AMBRA1: variants seen among roughly 807,000 people sequenced by gnomAD.
AMBRA1 encodes the protein activating molecule in BECN1-regulated autophagy protein 1.
AMBRA1 carries 47 observed loss-of-function variants against 125.4 expected under a neutral mutation model. That is an observed-to-expected ratio of 0.37 (90% CI 0.30 to 0.48). The LOEUF is 0.48. Among genes scored for constraint, AMBRA1 ranks in the 20% least tolerant of loss-of-function variants. AMBRA1 has a pLI of 0.99. For synonymous variants in AMBRA1, 626 were observed against 655.5 expected, an observed-to-expected ratio of 0.95 and a Z score of 0.69; for missense variants, 1,331 against 1,693.4, an observed-to-expected ratio of 0.79 and a Z score of 3.76.
intron 11 of AMBRA1, among the ~76,000 whole-genome samples, chr11:46,460,690 A>G (rs992449207): frequency 5.9e-5 from 9 of 152,222 alleles, no homozygotes; most frequent in Non-Finnish European, 1.2e-4. Context: ...ATAAAGTACA[A>G]CCATATAAAC....
chr11:46,539,939 C>A (rs960586063), intron 7 of AMBRA1, among the ~76,000 whole-genome samples: 1 of 152,086 alleles, frequency 6.6e-6, no homozygotes, highest in African/African-American at 2.4e-5. Context: ...TCAAGCGATT[C>A]TCCTGCCTCA....
chr11:46,483,335 C>A (rs1386295430), intron 11 of AMBRA1, among the ~76,000 whole-genome samples: 2 of 152,226 alleles, frequency 1.3e-5, no homozygotes, highest in African/African-American at 2.4e-5. Flanking sequence ...GCAGGAGTTT[C>A]TTTCCCCATC....
At chr11:46,524,087 C>T (rs1951869815) in intron 7 of AMBRA1, among the ~76,000 whole-genome samples, 1 of 152,158 alleles carries the variant, frequency 6.6e-6, no homozygotes, top group Non-Finnish European at 1.5e-5. Context: ...AGGCTGGTCT[C>T]GAACTCCTGA....
At chr11:46,523,347 C>G (rs192230777) in intron 7 of AMBRA1, among the ~76,000 whole-genome samples, 5 of 152,292 alleles carry the variant, frequency 3.3e-5, no homozygotes. Flanking sequence ...AATTTCTCCA[C>G]CATTTCCCTC....
At chr11:46,453,434 T>C (rs974417233) in intron 11 of AMBRA1, among the ~76,000 whole-genome samples, 2 of 152,174 alleles carry the variant, frequency 1.3e-5, no homozygotes, top group Non-Finnish European at 2.9e-5. Flanking sequence ...CCTGGCTTCA[T>C]TCCTTTTTAT....
chr11:46,456,794 G>A (rs1447342369), intron 11 of AMBRA1, among the ~76,000 whole-genome samples: 1 of 152,154 alleles, frequency 6.6e-6, no homozygotes, highest in East Asian at 1.9e-4. Context: ...TGTGCTGAAC[G>A]TGGGTTTGAC....
At chr11:46,491,577 C>T (rs567998775) in intron 11 of AMBRA1, among the ~76,000 whole-genome samples, 11 of 152,176 alleles carry the variant, frequency 7.2e-5, no homozygotes, top group East Asian at 1.9e-4. Context: ...AAAATATCAA[C>T]GAATGATAAA....
At position 46,542,576 on chromosome 11, in the gene AMBRA1, A is replaced by C; in HGVS notation, c.1441T>G (p.Ser481Ala). ...TGGCTGGAGCCATTCCCTCCATCTG[A>C]CTCAGTTGCCAACCCTGATGCCGGA... ...GFPASGLATESDGGNGSSQNN... is the reference protein window; with the variant it reads ...GFPASGLATEADGGNGSSQNN... Residue 481 changes from serine (S) to alanine (A), a missense_variant, in exon 7 of 18, where the codon TCA becomes GCA. This residue lies in a region of AMBRA1 where 689 missense variants were observed against 776.5 expected (regional missense o/e 0.89). Transcript: ENST00000683756. The surrounding 1 kb of genome is among the most constrained non-coding windows in gnomAD (Gnocchi z 5.9). 2 of 1,613,322 alleles carry C rather than the reference A, an allele frequency of 1.2e-6. No homozygotes were observed. Among genetic ancestry groups the C allele is most frequent in the Non-Finnish European group, 1.7e-6 (2 of 1,179,972 alleles).
At chr11:46,420,501 C>T (rs1946799115) in intron 14 of AMBRA1, among the ~76,000 whole-genome samples, 1 of 152,186 alleles carries the variant, frequency 6.6e-6, no homozygotes, top group Admixed American at 6.5e-5. Context: ...AGGTGTGGCA[C>T]CTTTATTCTT....
intron 9 of AMBRA1, among the ~76,000 whole-genome samples, chr11:46,502,893 T>C (rs1950892613): frequency 1.3e-5 from 2 of 151,848 alleles, no homozygotes; most frequent in South Asian, 4.2e-4. Context: ...ACCCCATCTC[T>C]ACCTAAAATA....
intron 14 of AMBRA1, among the ~76,000 whole-genome samples, chr11:46,432,895 CA>C (rs1947521688): frequency 6.6e-6 from 1 of 152,130 alleles, no homozygotes; most frequent in African/African-American, 2.4e-5. Context: ...TGGCTGAGGC[CA>C]AAAGGCCACG....
chr11:46,569,440 A>AAAAAATATAT (rs1477022124), intron 1 of AMBRA1, among the ~76,000 whole-genome samples: 1 of 131,386 alleles, frequency 7.6e-6, no homozygotes, highest in African/African-American at 2.9e-5. Flanking sequence ...AAAAAAAAAA[A>AAAAAATATAT]ATATATATAT....
At chr11:46,402,353 G>A (rs76641616) in intron 17 of AMBRA1, among the ~76,000 whole-genome samples, 2,609 of 152,248 alleles carry the variant, frequency 0.017, 28 homozygotes, top group Non-Finnish European at 0.026. Flanking sequence ...CATTGTGGGA[G>A]AAGCATTTAT....
chr11:46,524,515 G>A (rs1272741059), intron 7 of AMBRA1, among the ~76,000 whole-genome samples: 1 of 152,214 alleles, frequency 6.6e-6, no homozygotes, highest in African/African-American at 2.4e-5. Flanking sequence ...TAGTGTTTGA[G>A]CCTTAGAATC....
chr11:46,466,085 TCAAATAGCA>T (rs1225903415), intron 11 of AMBRA1, among the ~76,000 whole-genome samples: 1 of 152,192 alleles, frequency 6.6e-6, no homozygotes, highest in Non-Finnish European at 1.5e-5. Flanking sequence ...CAGGTATTTA[TCAAATAGCA>T]CTGTGGAAGA....
intron 11 of AMBRA1, among the ~76,000 whole-genome samples, chr11:46,476,976 G>A (rs1473969993): frequency 6.6e-6 from 1 of 152,044 alleles, no homozygotes; most frequent in East Asian, 1.9e-4. Context: ...GGGCATGGTG[G>A]CGCACGCCTG....
rs34321655 is a variant in AMBRA1, at chr11:46,425,310, T to TTGTGTGTGTGTGTG, written c.2977-7272_2977-7259dup. ...CTTCTGTATCTTTTGCTTGATCCAT[T>TTGTGTGTGTGTGTG]TGTGTGTGTGTGTGTGTGTGTGTGT... On this transcript the variant is annotated intron_variant, in intron 14 of 17. Transcript: ENST00000683756. Among the ~76,000 whole-genome samples, 796 of 135,572 alleles carry TTGTGTGTGTGTGTG rather than the reference T, an allele frequency of 5.9e-3. 4 individuals carry two copies. Among genetic ancestry groups the TTGTGTGTGTGTGTG allele is most frequent in the Non-Finnish European group, 9.3e-3 (600 of 64,470 alleles). The allele number at this position is 135,572 out of a possible 152,430, so 88.9% of individuals were successfully genotyped here. A position where few individuals can be genotyped will look rare whatever the true frequency, so the allele number is the denominator to read the frequency against.
rs1261652568 is a variant in AMBRA1 at position 46,468,424 on chromosome 11, C to T, written c.2522-24826G>A. ...AAGGAGGCCCAAGCATTACCCTTGG[C>T]TCAATGTAACTCTGAACTCCTGGGC... On this transcript the variant is annotated intron_variant, in intron 11 of 17. Transcript: ENST00000683756. Among the ~76,000 whole-genome samples, 5 of 152,038 alleles carry T rather than the reference C, an allele frequency of 3.3e-5. No homozygotes were observed. The East Asian group carries it at 9.7e-4, about 29-fold the overall frequency.
chr11:46,569,055 C>T (rs2043651944), intron 1 of AMBRA1, among the ~76,000 whole-genome samples: 1 of 151,646 alleles, frequency 6.6e-6, no homozygotes, highest in African/African-American at 2.4e-5. Flanking sequence ...GATCCACCTG[C>T]CTTGGCCTCC....
Sources: gnomAD v4.1 joint callset for allele counts (sites outside exome capture counted in the v4.1 genomes callset) on GRCh38, gnomAD v4.1.1 for gene constraint, gnomAD v4.1.1 regional missense constraint, Gnocchi (gnomAD v3.1) non-coding constraint, MANE v1.5 for transcripts, NCBI Gene and HGNC (gene_info 2026-07-23, HGNC 2026-07-21) for gene names.